JAKMIP1: variants seen among roughly 807,000 people sequenced by gnomAD.
The protein encoded by JAKMIP1 is janus kinase and microtubule-interacting protein 1.
A neutral mutation model predicts 113.0 loss-of-function variants in JAKMIP1; 33 were observed. The observed-to-expected ratio is 0.29, with a 90% confidence interval of 0.22 to 0.39. JAKMIP1 has a LOEUF of 0.39. Among genes scored for constraint, JAKMIP1 ranks in the 10% least tolerant of loss-of-function variants. JAKMIP1 has a pLI of 1.00. For missense variants in JAKMIP1, 813 were observed against 1,080.5 expected (o/e 0.75, Z 3.47); for synonymous variants, 480 against 459.9 (o/e 1.04, Z -0.56).
rs7666792 is a variant in JAKMIP1, at chr4:6,158,227, T to C, written c.-148+42026A>G. ...GTGCACGCTCCATACATCCCAACTT[T>C]GCCCTGCGGATACTACATGCTTCTC... On this transcript the variant is annotated intron_variant, in intron 1 of 20. Transcript: ENST00000409021. The surrounding 1 kb of genome is among the most constrained non-coding windows in gnomAD (Gnocchi z 5.3). Among the ~76,000 whole-genome samples, 19,589 of 152,204 alleles carry C rather than the reference T, an allele frequency of 0.13. 2,194 individuals carry two copies. Among genetic ancestry groups the C allele is most frequent in the African/African-American group, 0.29 (12,027 of 41,498 alleles).
At chr4:6,148,826 A>C (rs996464212) in intron 1 of JAKMIP1, among the ~76,000 whole-genome samples, 3 of 152,250 alleles carry the variant, frequency 2.0e-5, no homozygotes, top group African/African-American at 7.2e-5. Flanking sequence ...CCTGGCCTAG[A>C]AGAAGCCCCC....
Position 6,168,021 on chromosome 4 carries a change from A to G in JAKMIP1, c.-148+32232T>C, listed in dbSNP as rs35169725. 0.63 allele frequency among the ~76,000 whole-genome samples: 95,609 copies of G among 152,014 alleles called. 30,537 individuals carry two copies. The highest frequency in any genetic ancestry group is 0.76 in the East Asian group (3,925 of 5,144). ...CAACAGGGAAGACACACAAATGGCC[A>G]AGGAGCACCTGAAGAGACGCTCAAC... On this transcript the variant is annotated intron_variant, in intron 1 of 20. Transcript: ENST00000409021. This position sits in a 1 kb window ranked among gnomAD's most constrained non-coding sequence, Gnocchi z 4.6.
rs924696607 is a variant in JAKMIP1 at position 6,050,827 on chromosome 4, C to G, written c.1807-148G>C. 7 of 636,508 alleles carry G rather than the reference C, an allele frequency of 1.1e-5. No homozygotes were observed. Among genetic ancestry groups the G allele is most frequent in the East Asian group, 2.8e-5 (1 of 35,668 alleles). The allele number at this position is 636,508 out of a possible 1,614,324, so 39.4% of individuals were successfully genotyped here. A position where few individuals can be genotyped will look rare whatever the true frequency, so the allele number is the denominator to read the frequency against. ...AGTTCGGACTAGAAGCAGCCTCGTC[C>G]GTGAGCTACGACGTTTTCACGCCTT... On this transcript the variant is annotated intron_variant, in intron 13 of 20. Coordinates refer to ENST00000409021, the MANE Select transcript of JAKMIP1 (RefSeq NM_001099433.2). The surrounding 1 kb of genome is among the most constrained non-coding windows in gnomAD (Gnocchi z 7.4).
At chr4:6,027,276 T>C (rs6853173) in intron 20 of JAKMIP1, among the ~76,000 whole-genome samples, 1 of 152,078 alleles carries the variant, frequency 6.6e-6, no homozygotes, top group Non-Finnish European at 1.5e-5. Context: ...CAAGGTAATA[T>C]CTCCCTATAT....
chr4:6,154,740 C>T lies in JAKMIP1; in HGVS notation c.-147-41743G>A, dbSNP rs1271032054. ...CTTACTACCCAGCCCACTCCTAACT[C>T]CCCACCCCCAGCCATCATGAACTAC... On this transcript the variant is annotated intron_variant, in intron 1 of 20. Transcript: ENST00000409021. This position sits in a 1 kb window ranked among gnomAD's most constrained non-coding sequence, Gnocchi z 4.2. Among the ~76,000 whole-genome samples the T allele has an allele frequency of 6.6e-6, 1 of 152,108 alleles. No homozygotes were observed. The highest frequency in any genetic ancestry group is 1.5e-5 in the Non-Finnish European group (1 of 68,034).
chr4:6,039,766 G>A (rs554453087), intron 18 of JAKMIP1, among the ~76,000 whole-genome samples: 158 of 152,256 alleles, frequency 1.0e-3, no homozygotes, highest in African/African-American at 3.5e-3. Context: ...TAGTTGCACC[G>A]GCCTTCATGT....
intron 1 of JAKMIP1, among the ~76,000 whole-genome samples, chr4:6,175,356 A>G (rs1393448767): frequency 6.6e-6 from 1 of 152,208 alleles, no homozygotes. Context: ...CGGTCTCTAC[A>G]TTCACGCTGC....
chr4:6,076,096 A>G lies in JAKMIP1; in HGVS notation c.1302+2843T>C, dbSNP rs1376903589. 2.0e-5 allele frequency among the ~76,000 whole-genome samples: 3 copies of G among 152,190 alleles called. No individual in the cohort carries two copies. Among genetic ancestry groups the G allele is most frequent in the Non-Finnish European group, 4.4e-5 (3 of 68,032 alleles). ...GAGGCTGAGGCAGGAGAATCGCTTGAACCTGGGAGGCAGAGGTTGCAATGA... is the reference window on the plus strand; with the variant it reads ...GAGGCTGAGGCAGGAGAATCGCTTGGACCTGGGAGGCAGAGGTTGCAATGA... On this transcript the variant is annotated intron_variant, in intron 8 of 20. Coordinates refer to ENST00000409021, the MANE Select transcript of JAKMIP1 (RefSeq NM_001099433.2). The surrounding 1 kb of genome is among the most constrained non-coding windows in gnomAD (Gnocchi z 4.8).
rs1326080080 is a variant in JAKMIP1, at chr4:6,139,002, C to T, written c.-147-26005G>A. On this transcript the variant is annotated intron_variant, in intron 1 of 20. Coordinates refer to ENST00000409021, the MANE Select transcript of JAKMIP1 (RefSeq NM_001099433.2). This position sits in a 1 kb window ranked among gnomAD's most constrained non-coding sequence, Gnocchi z 5.2. ...GTCTCCCCACCCCACCCTGTCTGTT[C>T]ATCCTCCATGGCCTTAGTCAAGCTG... is the stretch of plus-strand genomic sequence containing the variant. 6.6e-6 allele frequency among the ~76,000 whole-genome samples: 1 copy of T among 151,820 alleles called. No homozygotes were observed. Among genetic ancestry groups the T allele is most frequent in the Non-Finnish European group, 1.5e-5 (1 of 68,004 alleles).
At position 6,107,428 on chromosome 4, in the gene JAKMIP1, G is replaced by A. The variant is rs145813945; in HGVS notation, c.130-1461C>T. On this transcript the variant is annotated intron_variant, in intron 2 of 20. Coordinates refer to ENST00000409021, the MANE Select transcript of JAKMIP1 (RefSeq NM_001099433.2). ...CTTGGCTGGGCCACAATGCCCAGTC[G>A]TTTGGTCAAACACCAGTCCAGATGT... Among the ~76,000 whole-genome samples, 609 of 152,318 alleles carry A rather than the reference G, an allele frequency of 4.0e-3. 3 individuals are homozygous for A. The highest frequency in any genetic ancestry group is 0.014 in the African/African-American group (567 of 41,562).
At chr4:6,172,668 CAGGTGCTCAGGGCCCT>C (rs1401605640) in intron 1 of JAKMIP1, among the ~76,000 whole-genome samples, 1 of 152,182 alleles carries the variant, frequency 6.6e-6, no homozygotes, top group African/African-American at 2.4e-5. Context: ...CTTCTGTCCC[CAGGTGCTCAGGGCCCT>C]AGGACTCTGT....
At chr4:6,090,799 C>T (rs1721953151) in intron 3 of JAKMIP1, among the ~76,000 whole-genome samples, 1 of 150,718 alleles carries the variant, frequency 6.6e-6, no homozygotes, top group African/African-American at 2.5e-5. Flanking sequence ...TAGAGTGTCA[C>T]TCCCCATGTT....
rs1417821646 is a variant in JAKMIP1, at chr4:6,192,297, C to T, written c.-148+7956G>A. ...GAGCCGCATTGCAGTGCTCAATAGCCCCTACCGGCGAGTGGCTACTGGAAT... is the reference window on the plus strand; with the variant it reads ...GAGCCGCATTGCAGTGCTCAATAGCTCCTACCGGCGAGTGGCTACTGGAAT... On this transcript the variant is annotated intron_variant, in intron 1 of 20. Transcript: ENST00000409021. The surrounding 1 kb of genome is among the most constrained non-coding windows in gnomAD (Gnocchi z 5.0). Among the ~76,000 whole-genome samples the T allele has an allele frequency of 2.0e-5, 3 of 152,104 alleles. No homozygotes were observed. Among genetic ancestry groups the T allele is most frequent in the African/African-American group, 7.2e-5 (3 of 41,400 alleles).
chr4:6,180,095 T>C lies in JAKMIP1; in HGVS notation c.-148+20158A>G, dbSNP rs1395529972. ...ATGACCCTCTTAGAACAAAGCATAT[T>C]GACAGAAAATTAAGTGCCACTGAAT... On this transcript the variant is annotated intron_variant, in intron 1 of 20. Transcript: ENST00000409021. The surrounding 1 kb of genome is among the most constrained non-coding windows in gnomAD (Gnocchi z 4.5). Among the ~76,000 whole-genome samples, 1 of 152,176 alleles carries C rather than the reference T, an allele frequency of 6.6e-6. No homozygotes were observed. Among genetic ancestry groups the C allele is most frequent in the Admixed American group, 6.5e-5 (1 of 15,290 alleles).
rs536680288 is a variant in JAKMIP1 at position 6,163,286 on chromosome 4, C to T, written c.-148+36967G>A. Among the ~76,000 whole-genome samples the T allele has an allele frequency of 3.3e-5, 5 of 151,742 alleles. No homozygotes were observed. The South Asian group carries it at 6.2e-4, about 19-fold the overall frequency. Reference sequence around the variant, plus strand: ...GTGTCATTTTTCCAACAGCCCACCTCGTGTCTCTGTGCCACATTTTGGTAA... The same window carrying T: ...GTGTCATTTTTCCAACAGCCCACCTTGTGTCTCTGTGCCACATTTTGGTAA... On this transcript the variant is annotated intron_variant, in intron 1 of 20. Coordinates refer to ENST00000409021, the MANE Select transcript of JAKMIP1 (RefSeq NM_001099433.2).
At chr4:6,096,392 AT>A (rs1384773943) in intron 3 of JAKMIP1, among the ~76,000 whole-genome samples, 1 of 152,176 alleles carries the variant, frequency 6.6e-6, no homozygotes, top group African/African-American at 2.4e-5. Context: ...CAAACTTTTT[AT>A]ACACTGAGGA....
chr4:6,173,058 A>C (rs115408663), intron 1 of JAKMIP1, among the ~76,000 whole-genome samples: 283 of 152,286 alleles, frequency 1.9e-3, no homozygotes, highest in African/African-American at 6.5e-3. Flanking sequence ...TAAACAATGA[A>C]AAGAAGAAAC....
intron 1 of JAKMIP1, among the ~76,000 whole-genome samples, chr4:6,120,053 C>A (rs564652490): frequency 1.2e-4 from 19 of 152,270 alleles, no homozygotes; most frequent in African/African-American, 4.3e-4. Flanking sequence ...ACACTTCCTG[C>A]AAACTTCACC....
intron 17 of JAKMIP1, among the ~76,000 whole-genome samples, chr4:6,041,162 C>A (rs893630112): frequency 6.6e-6 from 1 of 152,198 alleles, no homozygotes; most frequent in African/African-American, 2.4e-5. Context: ...CTCCCTGCCT[C>A]CCACATACCT....
Sources: gnomAD v4.1 joint callset for allele counts (sites outside exome capture counted in the v4.1 genomes callset) on GRCh38, gnomAD v4.1.1 for gene constraint, Gnocchi (gnomAD v3.1) non-coding constraint, MANE v1.5 for transcripts, NCBI Gene and HGNC (gene_info 2026-07-23, HGNC 2026-07-21) for gene names.